The following SCFD2 variants were observed in gnomAD, a reference collection of about 807,000 sequenced individuals.
The protein encoded by SCFD2 is sec1 family domain-containing protein 2.
A neutral mutation model predicts 58.9 loss-of-function variants in SCFD2; 54 were observed. That is an observed-to-expected ratio of 0.92 (90% CI 0.74 to 1.15). The LOEUF (loss-of-function observed/expected upper bound fraction) is 1.15. Among genes scored for constraint, SCFD2 ranks in the 50% most tolerant of loss-of-function variants. The pLI, the probability that SCFD2 is intolerant of heterozygous loss-of-function variation, is 0.00. For missense variants in SCFD2, 805 were observed against 836.6 expected (o/e 0.96, Z 0.47); for synonymous variants, 321 against 335.9 (o/e 0.96, Z 0.49).
intron 8 of SCFD2, among the ~76,000 whole-genome samples, chr4:52,879,477 C>G (rs893514889): frequency 6.6e-6 from 1 of 152,206 alleles, no homozygotes; most frequent in African/African-American, 2.4e-5. Flanking sequence ...AGATGCAGCT[C>G]ATTCACCAAC....
At chr4:53,294,977 T>C (rs1731974061) in intron 3 of SCFD2, among the ~76,000 whole-genome samples, 1 of 152,172 alleles carries the variant, frequency 6.6e-6, no homozygotes, top group South Asian at 2.1e-4. Flanking sequence ...CTGAGGCCTC[T>C]GTTCTGTTCC....
At chr4:53,140,409 A>ATATATATATATATATATT (rs1560353872) in intron 5 of SCFD2, among the ~76,000 whole-genome samples, 6 of 143,364 alleles carry the variant, frequency 4.2e-5, no homozygotes, top group Non-Finnish European at 7.6e-5. Flanking sequence ...ATATATATAT[A>ATATATATATATATATATT]TATAAATTTT....
At chr4:53,075,546 A>G (rs1723947148) in intron 5 of SCFD2, among the ~76,000 whole-genome samples, 1 of 152,124 alleles carries the variant, frequency 6.6e-6, no homozygotes, top group Admixed American at 6.6e-5. Flanking sequence ...CTATCTTTTG[A>G]TTTAAAGTAA....
At chr4:53,020,720 G>C (rs112095697) in intron 5 of SCFD2, among the ~76,000 whole-genome samples, 1 of 152,024 alleles carries the variant, frequency 6.6e-6, no homozygotes, top group African/African-American at 2.4e-5. Context: ...ACTGACCGAG[G>C]GTACAAATGA....
intron 5 of SCFD2, among the ~76,000 whole-genome samples, chr4:53,037,419 A>C (rs1722791921): frequency 6.6e-6 from 1 of 152,148 alleles, no homozygotes; most frequent in African/African-American, 2.4e-5. Context: ...GGAGTTTTTA[A>C]ACAGATTTTT....
chr4:53,012,857 A>G (rs1185594996), intron 5 of SCFD2, among the ~76,000 whole-genome samples: 1 of 151,184 alleles, frequency 6.6e-6, no homozygotes, highest in Non-Finnish European at 1.5e-5. Context: ...AGAGAGAGAA[A>G]GCTAATGAAA....
At chr4:52,897,294 T>G (rs1422068348) in intron 7 of SCFD2, among the ~76,000 whole-genome samples, 1 of 152,216 alleles carries the variant, frequency 6.6e-6, no homozygotes, top group Non-Finnish European at 1.5e-5. Flanking sequence ...GCTGTGGGTT[T>G]GTCATAGATA....
At chr4:52,958,687 T>A (rs748849947) in intron 5 of SCFD2, among the ~76,000 whole-genome samples, 1 of 152,116 alleles carries the variant, frequency 6.6e-6, no homozygotes, top group Non-Finnish European at 1.5e-5. Context: ...CAGCCACCCA[T>A]GGCCAGAAAT....
At chr4:53,026,616 G>A (rs1722479660) in intron 5 of SCFD2, among the ~76,000 whole-genome samples, 1 of 152,198 alleles carries the variant, frequency 6.6e-6, no homozygotes, top group East Asian at 1.9e-4. Flanking sequence ...TAAAATTACA[G>A]TGAGAACCCT....
At chr4:52,911,819 C>T (rs1719492782) in intron 6 of SCFD2, among the ~76,000 whole-genome samples, 1 of 152,188 alleles carries the variant, frequency 6.6e-6, no homozygotes, top group African/African-American at 2.4e-5. Context: ...TGATGCTGGG[C>T]TGAGACTCTG....
At chr4:53,272,030 A>G (rs1384366886) in intron 4 of SCFD2, among the ~76,000 whole-genome samples, 1 of 152,210 alleles carries the variant, frequency 6.6e-6, no homozygotes, top group Non-Finnish European at 1.5e-5. Flanking sequence ...AACCTCATCA[A>G]AAAGTGGGCA....
At chr4:53,319,109 T>C (rs1732949060) in intron 2 of SCFD2, among the ~76,000 whole-genome samples, 1 of 152,260 alleles carries the variant, frequency 6.6e-6, no homozygotes, top group African/African-American at 2.4e-5. Flanking sequence ...CTTTTCATGT[T>C]GGTTTTCTTT....
intron 5 of SCFD2, among the ~76,000 whole-genome samples, chr4:53,116,646 T>C (rs571172130): frequency 6.6e-6 from 1 of 152,324 alleles, no homozygotes; most frequent in African/African-American, 2.4e-5. Flanking sequence ...CTGATAACAC[T>C]GTTCCAGCTT....
chr4:52,987,144 T>C (rs1721513956), intron 5 of SCFD2, among the ~76,000 whole-genome samples: 1 of 152,142 alleles, frequency 6.6e-6, no homozygotes, highest in East Asian at 1.9e-4. Flanking sequence ...TTCTCCTGCC[T>C]TAGCCTCCTG....
chr4:53,179,355 TAA>T (rs919024166), intron 4 of SCFD2, among the ~76,000 whole-genome samples: 11 of 151,784 alleles, frequency 7.2e-5, no homozygotes, highest in Middle Eastern at 3.2e-3. Flanking sequence ...TCAACATTCT[TAA>T]AAAAAAGAAT....
intron 5 of SCFD2, among the ~76,000 whole-genome samples, chr4:53,130,429 T>C (rs1725755235): frequency 6.6e-6 from 1 of 152,246 alleles, no homozygotes; most frequent in Non-Finnish European, 1.5e-5. Context: ...GGTTCTTTAA[T>C]GAATGCTCTT....
At chr4:52,954,877 T>A (rs567366648) in intron 5 of SCFD2, among the ~76,000 whole-genome samples, 22 of 152,300 alleles carry the variant, frequency 1.4e-4, no homozygotes, top group Admixed American at 3.3e-4. Flanking sequence ...CTGTCCTCCC[T>A]CAAGAAGTGG....
chr4:52,977,993 G>C (rs910253850), intron 5 of SCFD2, among the ~76,000 whole-genome samples: 1 of 152,172 alleles, frequency 6.6e-6, no homozygotes, highest in African/African-American at 2.4e-5. Context: ...TTTATTTTCT[G>C]TCTGTGCCCA....
At chr4:53,209,738 T>C (rs1238120253) in intron 4 of SCFD2, among the ~76,000 whole-genome samples, 1 of 151,918 alleles carries the variant, frequency 6.6e-6, no homozygotes, top group Non-Finnish European at 1.5e-5. Flanking sequence ...CTTAGATTGT[T>C]TTGCTAGTAA....
Sources: allele counts gnomAD v4.1 joint callset (sites outside exome capture counted in the v4.1 genomes callset), GRCh38; gene constraint gnomAD v4.1.1; transcripts MANE v1.5; gene names NCBI Gene and HGNC (gene_info 2026-07-23, HGNC 2026-07-21).